GSE1: variants seen among roughly 807,000 people sequenced by gnomAD.
GSE1 encodes the protein Gse1 coiled-coil protein, also known as genetic suppressor element 1.
A neutral mutation model predicts 112.6 loss-of-function variants in GSE1; 32 were observed. That is an observed-to-expected ratio of 0.28 (90% CI 0.21 to 0.38). The LOEUF (loss-of-function observed/expected upper bound fraction) is 0.38, where lower values mean the gene tolerates loss of function less well. Among genes scored for constraint, GSE1 ranks in the 10% least tolerant of loss-of-function variants. GSE1 has a pLI of 1.00. For missense variants in GSE1, 2,348 were observed against 1,699.2 expected (o/e 1.38, Z -6.71); for synonymous variants, 1,115 against 735.6 (o/e 1.52, Z -8.35).
intron 1 of GSE1, among the ~76,000 whole-genome samples, chr16:85,257,047 G>C (rs1025529226): frequency 6.6e-6 from 1 of 152,222 alleles, no homozygotes; most frequent in South Asian, 2.1e-4. Flanking sequence ...ATGGGACATA[G>C]GGAGGTTGAA....
At chr16:85,538,357 A>C (rs1364057220) in intron 2 of GSE1, among the ~76,000 whole-genome samples, 1 of 152,194 alleles carries the variant, frequency 6.6e-6, no homozygotes, top group Non-Finnish European at 1.5e-5. Context: ...GAGTGCAGTG[A>C]CTATGATCTG....
At chr16:85,172,034 T>A (rs2074367554) in intron 1 of GSE1, among the ~76,000 whole-genome samples, 1 of 152,002 alleles carries the variant, frequency 6.6e-6, no homozygotes, top group Non-Finnish European at 1.5e-5. Context: ...GGAGTGGGGA[T>A]CAGGAGTGGT....
chr16:85,431,322 G>A (rs926008240), intron 2 of GSE1, among the ~76,000 whole-genome samples: 2 of 152,258 alleles, frequency 1.3e-5, no homozygotes, highest in Non-Finnish European at 2.9e-5. Context: ...CCAGCCCGCG[G>A]TGCCGCATGA....
intron 2 of GSE1, among the ~76,000 whole-genome samples, chr16:85,447,642 A>T (rs1328526657): frequency 6.6e-6 from 1 of 152,190 alleles, no homozygotes; most frequent in Non-Finnish European, 1.5e-5. Context: ...ACATCTTCCC[A>T]CTAACCAGAT....
intron 2 of GSE1, among the ~76,000 whole-genome samples, chr16:85,432,727 A>G (rs1046410969): frequency 5.9e-5 from 9 of 152,190 alleles, no homozygotes; most frequent in African/African-American, 2.2e-4. Context: ...ATTCTCTGCA[A>G]TGCTTCCAAC....
At chr16:85,200,179 T>A (rs1234627789) in intron 1 of GSE1, among the ~76,000 whole-genome samples, 2 of 152,164 alleles carry the variant, frequency 1.3e-5, no homozygotes, top group African/African-American at 4.8e-5. Flanking sequence ...ATCCCATTTT[T>A]ATCACATAAT....
At position 85,661,474 on chromosome 16, in the gene GSE1, C is replaced by G. The variant is rs751273533; in HGVS notation, c.1969C>G (p.Arg657Gly). The G allele has an allele frequency of 1.9e-6, 3 of 1,611,784 alleles. No homozygotes were observed. In the South Asian group the frequency reaches 3.3e-5, roughly 18 times the overall value. The change falls in exon 9 of 16, where the codon CGA becomes GGA. Residue 657 changes from arginine (R) to glycine (G), a missense_variant. By Grantham distance (125) the Arg-to-Gly change is moderately radical. Coordinates refer to ENST00000253458, the MANE Select transcript of GSE1 (RefSeq NM_014615.5). ...GTACCAGCCACCTCCGCCGCCACCA[C>G]GAGAGGGAGGGAGCCTGGAGCACCA... ...DKYQPPPPPP[R>G]EGGSLEHQPF...
chr16:85,378,710 C>T (rs1289893214), intron 2 of GSE1, among the ~76,000 whole-genome samples: 2 of 152,206 alleles, frequency 1.3e-5, no homozygotes, highest in East Asian at 1.9e-4. Flanking sequence ...CCCCTGCAGC[C>T]CTGTGCCTGC....
chr16:85,628,571 G>A (rs1259512810), intron 1 of GSE1, among the ~76,000 whole-genome samples: 1 of 152,164 alleles, frequency 6.6e-6, no homozygotes, highest in Non-Finnish European at 1.5e-5. Context: ...AGCTGTGGGT[G>A]AGGGCTCAGG....
intron 1 of GSE1, among the ~76,000 whole-genome samples, chr16:85,326,095 A>C (rs1230360350): frequency 2.6e-5 from 4 of 152,132 alleles, no homozygotes; most frequent in African/African-American, 9.7e-5. Context: ...CAGGGGTAGA[A>C]AGTTGGCCTG....
intron 2 of GSE1, among the ~76,000 whole-genome samples, chr16:85,432,843 G>A (rs2049153228): frequency 1.3e-5 from 2 of 152,074 alleles, no homozygotes; most frequent in Non-Finnish European, 2.9e-5. Flanking sequence ...TTGAACCTCG[G>A]TCTGTCTGGT....
intron 1 of GSE1, among the ~76,000 whole-genome samples, chr16:85,326,575 T>C (rs2046232174): frequency 2.0e-5 from 3 of 152,258 alleles, no homozygotes; most frequent in Admixed American, 2.0e-4. Flanking sequence ...TGTCGCCTTG[T>C]GAAGAAGTTG....
intron 1 of GSE1, among the ~76,000 whole-genome samples, chr16:85,301,237 A>C (rs911090964): frequency 1.3e-5 from 2 of 152,184 alleles, no homozygotes; most frequent in African/African-American, 4.8e-5. Context: ...CCATTTTATG[A>C]GCCTTTTGGG....
intron 1 of GSE1, among the ~76,000 whole-genome samples, chr16:85,326,838 C>G (rs1162850065): frequency 1.3e-5 from 2 of 152,238 alleles, no homozygotes; most frequent in African/African-American, 4.8e-5. Flanking sequence ...GGGTCCCGAT[C>G]AGTTTAAGAC....
chr16:85,460,506 T>C (rs60567818), intron 2 of GSE1, among the ~76,000 whole-genome samples: 10,854 of 152,274 alleles, frequency 0.071, 1,305 homozygotes, highest in African/African-American at 0.25. Flanking sequence ...TGGCAAAATG[T>C]AAGGTAGTTC....
chr16:85,395,552 C>G (rs182366622), intron 2 of GSE1, among the ~76,000 whole-genome samples: 1 of 152,232 alleles, frequency 6.6e-6, no homozygotes, highest in Non-Finnish European at 1.5e-5. Flanking sequence ...CTCCCAGCAG[C>G]CAGCACCCAG....
intron 2 of GSE1, among the ~76,000 whole-genome samples, chr16:85,484,954 A>G (rs1222339227): frequency 6.6e-6 from 1 of 152,008 alleles, no homozygotes; most frequent in East Asian, 1.9e-4. Flanking sequence ...AGCCTGAGGA[A>G]CCTGCCTGCT....
chr16:85,536,134 G>A (rs183676753), intron 2 of GSE1, among the ~76,000 whole-genome samples: 25 of 152,340 alleles, frequency 1.6e-4, no homozygotes, highest in Admixed American at 1.6e-3. Flanking sequence ...CAGGAGGGAG[G>A]CCCAGCCACC....
chr16:85,212,598 C>G (rs1445683260), intron 1 of GSE1, among the ~76,000 whole-genome samples: 1 of 152,128 alleles, frequency 6.6e-6, no homozygotes, highest in African/African-American at 2.4e-5. Flanking sequence ...TCCACCCTGC[C>G]CACACATTGA....
Sources: allele counts gnomAD v4.1 joint callset (sites outside exome capture counted in the v4.1 genomes callset), GRCh38; gene constraint gnomAD v4.1.1; transcripts MANE v1.5; gene names NCBI Gene and HGNC (gene_info 2026-07-23, HGNC 2026-07-21).